Variants in CCDC201 observed in about 807,000 individuals in gnomAD.
CCDC201 encodes the protein coiled-coil domain containing 201, also known as coiled-coil domain-containing protein 201.
intron 2 of CCDC201, among the ~76,000 whole-genome samples, chr7:45,865,708 C>G (rs1280727303): frequency 1.3e-5 from 2 of 152,228 alleles, no homozygotes; most frequent in Non-Finnish European, 2.9e-5. Flanking sequence ...CAGCGGCAGC[C>G]TGGGTCTGGA....
In CCDC201 at chr7:45,868,586, G is replaced by A. The variant is rs552165073; in HGVS notation, c.19-2092C>T. On this transcript the variant is annotated intron_variant, in intron 1 of 2. Coordinates refer to ENST00000636578, the Ensembl canonical transcript of CCDC201. ...TCTCCCACCTCATCCCCAATGTGAG[G>A]CCTCAGGACTCCCCTCACTCTTCAG... is the stretch of plus-strand genomic sequence containing the variant. 2.0e-5 allele frequency among the ~76,000 whole-genome samples: 3 copies of A among 152,176 alleles called. No homozygotes were observed. The South Asian group carries it at 6.2e-4, about 32-fold the overall frequency.
chr7:45,868,796 T>C (rs1786709340), intron 1 of CCDC201, among the ~76,000 whole-genome samples: 1 of 152,216 alleles, frequency 6.6e-6, no homozygotes, highest in Non-Finnish European at 1.5e-5. Flanking sequence ...GCTCTCATTT[T>C]CTAAGTGAAT....
chr7:45,880,632 G>A, the CCDC201 span, among the ~76,000 whole-genome samples: 1 of 152,252 alleles, frequency 6.6e-6, no homozygotes, highest in Non-Finnish European at 1.5e-5. Context: ...ACTGTGACTT[G>A]GGGAATGAGA....
At chr7:45,872,114 T>A (rs1233816344) in intron 1 of CCDC201, among the ~76,000 whole-genome samples, 1 of 152,210 alleles carries the variant, frequency 6.6e-6, no homozygotes, top group Admixed American at 6.5e-5. Flanking sequence ...TCACTGTGCA[T>A]CTTATGCTTT....
intron 1 of CCDC201, among the ~76,000 whole-genome samples, chr7:45,870,728 T>C (rs562135324): frequency 6.6e-6 from 1 of 152,182 alleles, no homozygotes; most frequent in African/African-American, 2.4e-5. Context: ...TAACTGAGAC[T>C]GATTCACCTT....
chr7:45,872,374 G>A (rs1354175544), intron 1 of CCDC201, among the ~76,000 whole-genome samples: 1 of 152,178 alleles, frequency 6.6e-6, no homozygotes, highest in Admixed American at 6.5e-5. Flanking sequence ...AACTTCAGGT[G>A]GGATTGTGAT....
chr7:45,880,192 G>C, the CCDC201 span, among the ~76,000 whole-genome samples: 1 of 152,164 alleles, frequency 6.6e-6, no homozygotes, highest in African/African-American at 2.4e-5. Context: ...GTTGTTGGCT[G>C]TTTAAATTGA....
At chr7:45,881,148 T>A in the CCDC201 span, among the ~76,000 whole-genome samples, 605 of 152,252 alleles carry the variant, frequency 4.0e-3, 4 homozygotes, top group African/African-American at 0.014. Flanking sequence ...CCAAATCATC[T>A]TAGTTTTTAT....
At chr7:45,885,000 G>T in the CCDC201 span, among the ~76,000 whole-genome samples, 1 of 152,208 alleles carries the variant, frequency 6.6e-6, no homozygotes, top group African/African-American at 2.4e-5. Context: ...TTGAGATGGA[G>T]AAGCTGGAAG....
chr7:45,884,437 C>G, the CCDC201 span, among the ~76,000 whole-genome samples: 1 of 152,184 alleles, frequency 6.6e-6, no homozygotes, highest in Non-Finnish European at 1.5e-5. Context: ...TCTTAGCCTG[C>G]TTATACCCCT....
At chr7:45,873,705 T>C (rs1030574760), upstream of CCDC201, among the ~76,000 whole-genome samples, 2 of 152,210 alleles carry the variant, frequency 1.3e-5, no homozygotes, top group African/African-American at 4.8e-5. Context: ...GGTAAATTAA[T>C]CTTTACCAAT....
At chr7:45,881,308 C>A in the CCDC201 span, among the ~76,000 whole-genome samples, 1 of 152,170 alleles carries the variant, frequency 6.6e-6, no homozygotes, top group Admixed American at 6.5e-5. Context: ...AGCTCTGCCT[C>A]TTTGTTTCTT....
At chr7:45,881,955 T>A in the CCDC201 span, among the ~76,000 whole-genome samples, 1 of 152,182 alleles carries the variant, frequency 6.6e-6, no homozygotes, top group Non-Finnish European at 1.5e-5. Flanking sequence ...TGCCAAGCAG[T>A]GTCCTTCATC....
chr7:45,867,747 C>T (rs1302601840), intron 1 of CCDC201, among the ~76,000 whole-genome samples: 2 of 152,218 alleles, frequency 1.3e-5, no homozygotes, highest in African/African-American at 4.8e-5. Flanking sequence ...AGCTTCTTCC[C>T]AGGCTGATAA....
chr7:45,872,311 G>A (rs887571423), intron 1 of CCDC201, among the ~76,000 whole-genome samples: 15 of 152,214 alleles, frequency 9.9e-5, no homozygotes, highest in African/African-American at 2.7e-4. Context: ...TCCAGCAGGC[G>A]GAGCTGTAGG....
chr7:45,870,452 A>T (rs1233814387), intron 1 of CCDC201, among the ~76,000 whole-genome samples: 3 of 152,254 alleles, frequency 2.0e-5, no homozygotes, highest in East Asian at 3.8e-4. Context: ...TACCTAAGAC[A>T]AAGTACTGTA....
At chr7:45,882,320 C>T in the CCDC201 span, among the ~76,000 whole-genome samples, 1 of 152,222 alleles carries the variant, frequency 6.6e-6, no homozygotes, top group South Asian at 2.1e-4. Context: ...CACCGTGCTG[C>T]TCAGGATGAC....
At chr7:45,870,887 A>G (rs2116524201) in intron 1 of CCDC201, among the ~76,000 whole-genome samples, 1 of 152,354 alleles carries the variant, frequency 6.6e-6, no homozygotes, top group East Asian at 1.9e-4. Context: ...AAATTCTTCA[A>G]CTTCAAAAAA....
exon 3 of CCDC201, chr7:45,861,131 C>T (rs1160063907): frequency 6.6e-6 from 1 of 152,104 alleles, no homozygotes. Context: ...GAGATAGAAA[C>T]ATAACTACAT....
Sources: allele counts gnomAD v4.1 joint callset (sites outside exome capture counted in the v4.1 genomes callset), GRCh38; gene constraint gnomAD v4.1.1; transcripts MANE v1.5; gene names NCBI Gene and HGNC (gene_info 2026-07-23, HGNC 2026-07-21).